The following CSMD1 variants were observed in gnomAD, a reference collection of about 807,000 sequenced individuals.
The protein encoded by CSMD1 is CUB and sushi domain-containing protein 1.
CSMD1 carries 213 observed loss-of-function variants against 417.5 expected under a neutral mutation model. The observed-to-expected ratio is 0.51, with a 90% CI of 0.46 to 0.57. CSMD1 has a LOEUF of 0.57. Ranked by LOEUF, CSMD1 falls within the 20% of genes least tolerant of loss-of-function variation. The pLI, the probability that CSMD1 is intolerant of heterozygous loss-of-function variation, is 0.00. For missense variants in CSMD1, 6,923 were observed against 4,529.7 expected (o/e 1.53, Z -15.17); for synonymous variants, 2,862 against 1,736.8 (o/e 1.65, Z -16.11).
chr8:3,971,567 T>G (rs541336524), intron 5 of CSMD1, among the ~76,000 whole-genome samples: 1 of 152,154 alleles, frequency 6.6e-6, no homozygotes, highest in Non-Finnish European at 1.5e-5. Flanking sequence ...AATTAAAAAA[T>G]TAATACCATA....
intron 1 of CSMD1, among the ~76,000 whole-genome samples, chr8:4,878,122 G>A (rs1458287506): frequency 6.6e-6 from 1 of 152,038 alleles, no homozygotes; most frequent in Non-Finnish European, 1.5e-5. Flanking sequence ...GTTCTGTTTT[G>A]GCTTTCCTCA....
intron 26 of CSMD1, among the ~76,000 whole-genome samples, chr8:3,266,146 G>T (rs932144348): frequency 6.6e-6 from 1 of 151,124 alleles, no homozygotes; most frequent in Non-Finnish European, 1.5e-5. Context: ...CTGATGTCCT[G>T]AGACCAACCC....
chr8:3,985,960 G>C (rs750313431), intron 5 of CSMD1, among the ~76,000 whole-genome samples: 1 of 151,282 alleles, frequency 6.6e-6, no homozygotes, highest in Non-Finnish European at 1.5e-5. Flanking sequence ...TAGCCTAAAA[G>C]TTTCCCTGGC....
chr8:3,890,248 A>G (rs985252692), intron 5 of CSMD1, among the ~76,000 whole-genome samples: 6 of 152,180 alleles, frequency 3.9e-5, no homozygotes, highest in Non-Finnish European at 8.8e-5. Context: ...TTGTTGTTCA[A>G]ACTTGCAAAG....
At chr8:3,046,858 T>A (rs571015296) in intron 50 of CSMD1, among the ~76,000 whole-genome samples, 2 of 152,178 alleles carry the variant, frequency 1.3e-5, no homozygotes, top group African/African-American at 2.4e-5. Flanking sequence ...ACATAATATC[T>A]TCTTCCTAGG....
At chr8:3,893,194 G>C (rs1054931962) in intron 5 of CSMD1, among the ~76,000 whole-genome samples, 2 of 151,496 alleles carry the variant, frequency 1.3e-5, no homozygotes, top group Middle Eastern at 6.8e-3. Context: ...CCCAGGGCAC[G>C]TCAGAAATAA....
Position 4,533,230 on chromosome 8 carries a change from T to A in CSMD1, c.302+104112A>T, listed in dbSNP as rs187179249. Reference sequence around the variant, plus strand: ...CATTTTAAACATGTAAAGAGCTCAGTGGTGCTCCAAGAAGCAAGACTTTGG... The same window carrying A: ...CATTTTAAACATGTAAAGAGCTCAGAGGTGCTCCAAGAAGCAAGACTTTGG... On this transcript the variant is annotated intron_variant, in intron 2 of 69. Coordinates refer to ENST00000635120, the MANE Select transcript of CSMD1 (RefSeq NM_033225.6). Among the ~76,000 whole-genome samples, 393 of 152,322 alleles carry A rather than the reference T, an allele frequency of 2.6e-3. 3 individuals carry two copies. Among genetic ancestry groups the A allele is most frequent in the African/African-American group, 8.9e-3 (371 of 41,580 alleles).
chr8:3,532,111 C>G (rs1289777860), intron 10 of CSMD1, among the ~76,000 whole-genome samples: 3 of 152,122 alleles, frequency 2.0e-5, no homozygotes, highest in Non-Finnish European at 2.9e-5. Context: ...GAGATGGCAA[C>G]ATTTTTTTTC....
At chr8:4,573,195 G>C (rs375541926) in intron 2 of CSMD1, among the ~76,000 whole-genome samples, 9 of 152,270 alleles carry the variant, frequency 5.9e-5, no homozygotes, top group Non-Finnish European at 8.8e-5. Flanking sequence ...GAGGAGAAGA[G>C]GCATTCTGGT....
intron 1 of CSMD1, among the ~76,000 whole-genome samples, chr8:4,855,563 G>T (rs1051054236): frequency 6.6e-6 from 1 of 152,118 alleles, no homozygotes; most frequent in Non-Finnish European, 1.5e-5. Flanking sequence ...ACCAAGAACT[G>T]CTTAAAGGAG....
At position 4,266,804 on chromosome 8, in the gene CSMD1, T is replaced by A. The variant is rs779118599; in HGVS notation, c.415+153149A>T. Among the ~76,000 whole-genome samples, 11 of 104,862 alleles carry A rather than the reference T, an allele frequency of 1.0e-4. 4 individuals are homozygous for A. Among genetic ancestry groups the A allele is most frequent in the Admixed American group, 2.7e-4 (3 of 11,076 alleles). 68.8% of individuals were successfully genotyped at this position (104,862 alleles called of 152,430 possible). The stretch of plus-strand genomic sequence containing the variant: ...CAGAGAATCTAGATGAAAACTTAAA[T>A]AGTGGATTGTGATGACTTTTCATTT... On this transcript the variant is annotated intron_variant, in intron 3 of 69. Transcript: ENST00000635120.
Position 4,912,407 on chromosome 8 carries a change from C to G in CSMD1, c.85+81925G>C, listed in dbSNP as rs115044472. On this transcript the variant is annotated intron_variant, in intron 1 of 69. Transcript: ENST00000635120. Reference sequence around the variant, plus strand: ...ACAGGAAAACTTGCTGTGGGGTTGTCTAGATCAATGCCATTGCAGAAAGGC... The same window carrying G: ...ACAGGAAAACTTGCTGTGGGGTTGTGTAGATCAATGCCATTGCAGAAAGGC... 6.5e-3 allele frequency among the ~76,000 whole-genome samples: 979 copies of G among 149,806 alleles called. 8 individuals carry two copies. The highest frequency in any genetic ancestry group is 0.023 in the African/African-American group (936 of 40,618).
chr8:3,026,360 C>T (rs774532310), intron 51 of CSMD1, among the ~76,000 whole-genome samples: 2 of 152,278 alleles, frequency 1.3e-5, no homozygotes, highest in Admixed American at 6.5e-5. Flanking sequence ...CTGGAGCCCA[C>T]TGGGCCTCAC....
At chr8:4,128,797 A>G (rs932764691) in intron 3 of CSMD1, among the ~76,000 whole-genome samples, 1 of 152,094 alleles carries the variant, frequency 6.6e-6, no homozygotes, top group Admixed American at 6.5e-5. Flanking sequence ...CTGGATACTT[A>G]TATCCTAGTG....
intron 3 of CSMD1, among the ~76,000 whole-genome samples, chr8:4,100,254 C>T (rs974675486): frequency 6.6e-6 from 1 of 152,140 alleles, no homozygotes; most frequent in African/African-American, 2.4e-5. Flanking sequence ...AGTAGGCATG[C>T]AGTTAATTGT....
At chr8:3,398,755 G>C (rs1372368356) in intron 16 of CSMD1, among the ~76,000 whole-genome samples, 1 of 152,126 alleles carries the variant, frequency 6.6e-6, no homozygotes, top group Non-Finnish European at 1.5e-5. Flanking sequence ...TCTCAGTGTT[G>C]AGAGAAATGG....
chr8:4,462,689 T>G (rs1477517350), intron 2 of CSMD1, among the ~76,000 whole-genome samples: 1 of 152,176 alleles, frequency 6.6e-6, no homozygotes, highest in African/African-American at 2.4e-5. Flanking sequence ...ACCACTGACA[T>G]TACCCGTCAA....
chr8:4,091,958 C>G (rs1348589767), intron 3 of CSMD1, among the ~76,000 whole-genome samples: 1 of 152,134 alleles, frequency 6.6e-6, no homozygotes, highest in South Asian at 2.1e-4. Flanking sequence ...AAAAGGGACT[C>G]ACGTAACTCT....
At chr8:3,999,327 G>A (rs886616508) in intron 4 of CSMD1, among the ~76,000 whole-genome samples, 16 of 152,116 alleles carry the variant, frequency 1.1e-4, no homozygotes, top group African/African-American at 3.4e-4. Context: ...CTTACAAAGT[G>A]CATATCTTCG....
Sources: gnomAD v4.1 joint callset for allele counts (sites outside exome capture counted in the v4.1 genomes callset) on GRCh38, gnomAD v4.1.1 for gene constraint, MANE v1.5 for transcripts, NCBI Gene and HGNC (gene_info 2026-07-23, HGNC 2026-07-21) for gene names.